Variants in NCAN observed in about 807,000 individuals in gnomAD.
NCAN encodes neurocan core protein.
In NCAN, 47 loss-of-function variants were observed where a neutral mutation model predicts 121.8. That is an observed-to-expected ratio of 0.39 (90% confidence interval 0.31 to 0.49). The LOEUF is 0.49. Ranked by LOEUF, NCAN falls within the 20% of genes least tolerant of loss-of-function variation. The pLI is 0.92. For missense variants in NCAN, 1,517 were observed against 1,773.4 expected, an observed-to-expected ratio of 0.86 and a Z score of 2.60; for synonymous variants, 633 against 702.0, an observed-to-expected ratio of 0.90 and a Z score of 1.55.
rs754647728 is a variant in NCAN, at chr19:19,233,858, A to T, written c.3089A>T (p.Tyr1030Phe). 6.2e-7 allele frequency: 1 copy of T among 1,614,128 alleles called. No individual in the cohort carries two copies. Among genetic ancestry groups the T allele is most frequent in the South Asian group, 1.1e-5 (1 of 91,082 alleles). Reference sequence around the variant, plus strand: ...ACATGTAATGCCAATGGCACCATGTATGGCTGTAGCTGTGATCAGGGCTTC... The same window carrying T: ...ACATGTAATGCCAATGGCACCATGTTTGGCTGTAGCTGTGATCAGGGCTTC... Reference protein sequence around the residue: ...GGTCNANGTMYGCSCDQGFAG... With the variant: ...GGTCNANGTMFGCSCDQGFAG... Residue 1030 changes from tyrosine (Y) to phenylalanine (F), a missense_variant, in exon 9 of 15, where the codon TAT becomes TTT. Tyr to Phe is a conservative substitution (Grantham distance 22). Coordinates refer to ENST00000252575, the MANE Select transcript of NCAN (RefSeq NM_004386.3).
At chr19:19,230,081 G>C (rs1253041251) in intron 8 of NCAN, among the ~76,000 whole-genome samples, 1 of 152,034 alleles carries the variant, frequency 6.6e-6, no homozygotes, top group African/African-American at 2.4e-5. Flanking sequence ...GTCTCACTCT[G>C]TCATCCAGCC....
Position 19,228,016 on chromosome 19 carries a change from T to G in NCAN, c.2396T>G (p.Leu799Arg). 6.2e-7 allele frequency: 1 copy of G among 1,613,452 alleles called. No homozygotes were observed. The highest frequency in any genetic ancestry group is 8.5e-7 in the Non-Finnish European group (1 of 1,179,996). ...GLDASSPSAP[L>R]GSPGVFLVPK... is the part of the protein sequence containing the mutation. The stretch of plus-strand genomic sequence containing the variant: ...GATGCAAGTTCCCCATCTGCCCCCC[T>G]GGGGAGCCCTGGAGTCTTCTTGGTA... Residue 799 changes from leucine to arginine, a missense_variant, in exon 8 of 15, where the codon CTG (leucine) becomes CGG (arginine). Leu to Arg is a moderately radical substitution (Grantham distance 102). Transcript: ENST00000252575.
intron 3 of NCAN, among the ~76,000 whole-genome samples, chr19:19,223,140 AAAAT>A (rs969719376): frequency 4.0e-5 from 6 of 151,702 alleles, no homozygotes; most frequent in South Asian, 2.1e-4. Context: ...AATAAAATAA[AAAAT>A]AAATAAATAA....
rs1318770432 is a variant in NCAN at position 19,250,198 on chromosome 19, C to T, written c.*287C>T. The T allele has an allele frequency of 1.7e-6, 1 of 595,974 alleles. No individual in the cohort carries two copies. The highest frequency in any genetic ancestry group is 1.5e-5 in the South Asian group (1 of 65,780). The allele number at this position is 595,974 out of a possible 1,614,324, so 36.9% of individuals were successfully genotyped here. The stretch of plus-strand genomic sequence containing the variant: ...AGCACAAGTAGCAAAGCTCATTGGT[C>T]TGGTCTCTTGTTTGCCAGGCTGATT... On this transcript the variant is annotated 3_prime_UTR_variant, in exon 15 of 15. Transcript: ENST00000252575.
chr19:19,245,994 G>A (rs905661479), intron 13 of NCAN, among the ~76,000 whole-genome samples: 4 of 151,866 alleles, frequency 2.6e-5, no homozygotes, highest in East Asian at 3.9e-4. Flanking sequence ...GGCCAAGGTG[G>A]GTGGGATTAT....
intron 3 of NCAN, among the ~76,000 whole-genome samples, chr19:19,220,961 A>AG (rs1237238600): frequency 1.3e-5 from 2 of 152,206 alleles, no homozygotes; most frequent in East Asian, 3.9e-4. Context: ...ATGGGGGCCC[A>AG]GTGGCTCATG....
intron 8 of NCAN, among the ~76,000 whole-genome samples, chr19:19,230,698 C>G (rs2060855008): frequency 6.9e-6 from 1 of 144,400 alleles, no homozygotes; most frequent in Non-Finnish European, 1.5e-5. Context: ...CACTTCTGGG[C>G]TGTGTTGGGG....
In NCAN at chr19:19,245,363, C is replaced by T. The variant is rs142257239; in HGVS notation, c.3543C>T (p.Gly1181=). Residue 1181 remains glycine (G), a synonymous_variant, in exon 13 of 15, where the codon GGC becomes GGT. Transcript: ENST00000252575. ...ENQPDNFFAG[G]EDCVVMVAHE... The stretch of plus-strand genomic sequence containing the variant: ...AGCCGGACAATTTCTTCGCGGGTGG[C>T]GAGGACTGTGTGGTGATGGTGGCGC... 17 of 1,614,172 alleles carry T rather than the reference C, an allele frequency of 1.1e-5. No individual in the cohort carries two copies. Among genetic ancestry groups the T allele is most frequent in the African/African-American group, 9.3e-5 (7 of 75,040 alleles).
In NCAN at chr19:19,235,084, T is replaced by G. The variant is rs923656386; in HGVS notation, c.3238T>G (p.Phe1080Val). Residue 1080 changes from phenylalanine to valine, a missense_variant, in exon 10 of 15, where the codon TTT becomes GTT. Physicochemically the swap from Phe to Val is conservative, Grantham distance 50. Transcript: ENST00000252575. ...TTGCCTCCCCAGCTATGGGGGCAGC[T>G]TTTGTGAGAAAGGTGAGTTTCTATT... is the stretch of plus-strand genomic sequence containing the variant. The part of the protein sequence containing the change: ...CLCLPSYGGS[F>V]CEKDTEGCDR... 1.2e-6 allele frequency: 2 copies of G among 1,611,246 alleles called. No individual in the cohort carries two copies. The highest frequency in any genetic ancestry group is 1.7e-6 in the Non-Finnish European group (2 of 1,178,102).
intron 8 of NCAN, among the ~76,000 whole-genome samples, chr19:19,233,478 G>A (rs1219065059): frequency 2.6e-5 from 4 of 152,146 alleles, no homozygotes; most frequent in Non-Finnish European, 4.4e-5. Context: ...CCCATGTTCT[G>A]GGAGAAGACA....
chr19:19,235,218 T>C, intron 10 of NCAN, 122 bp downstream of exon 10: 1 of 574,900 alleles, frequency 1.7e-6, no homozygotes, highest in Non-Finnish European at 3.2e-6. Context: ...TGACACAAGA[T>C]AAATTATTCT....
chr19:19,215,081 C>T (rs924219590), intron 1 of NCAN, among the ~76,000 whole-genome samples: 12 of 152,178 alleles, frequency 7.9e-5, no homozygotes, highest in African/African-American at 2.9e-4. Context: ...AGGCAGGAGG[C>T]AGGGGTGGAC....
intron 12 of NCAN, among the ~76,000 whole-genome samples, chr19:19,245,014 G>T (rs2060919182): frequency 6.6e-6 from 1 of 152,066 alleles, no homozygotes; most frequent in Non-Finnish European, 1.5e-5. Flanking sequence ...GCCTGGCCTT[G>T]TCCCACCACT....
chr19:19,218,000 TG>T (rs1309817142), intron 2 of NCAN, among the ~76,000 whole-genome samples: 1 of 149,866 alleles, frequency 6.7e-6, no homozygotes, highest in Non-Finnish European at 1.5e-5. Flanking sequence ...ATAATAAGGC[TG>T]GGTGTAGTGG....
intron 6 of NCAN, 124 bp from the exon 7 acceptor site, chr19:19,226,362 C>A: frequency 1.3e-6 from 1 of 791,006 alleles, no homozygotes; most frequent in Non-Finnish European, 2.0e-6. Flanking sequence ...TCAGAAACTA[C>A]TTAGGAGAGA....
intron 8 of NCAN, 41 bp downstream of exon 8, chr19:19,228,680 T>C (rs1168827041): frequency 6.4e-7 from 1 of 1,559,114 alleles, no homozygotes; most frequent in Non-Finnish European, 8.7e-7. Flanking sequence ...CTCTCCATGG[T>C]CAGGGCTTGG....
intron 8 of NCAN, among the ~76,000 whole-genome samples, chr19:19,231,703 G>A (rs1260921660): frequency 3.9e-5 from 6 of 152,056 alleles, no homozygotes; most frequent in East Asian, 1.9e-4. Context: ...ACATGAGGCC[G>A]GGCATGATGG....
At chr19:19,233,952 A>T in intron 9 of NCAN, 47 bp downstream of exon 9, 1 of 1,290,448 alleles carries the variant, frequency 7.7e-7, no homozygotes, top group Non-Finnish European at 1.1e-6. Context: ...GTTTGACTCC[A>T]GAGCCTTGGG....
In NCAN at chr19:19,225,246, C is replaced by A. The variant is rs781056406; in HGVS notation, c.1048C>A (p.Arg350Ser). Reference sequence around the variant, plus strand: ...GACCGGCTTCCCCTCACCCGCCGAGCGCTTCGACGCCTACTGCTTCCGAGG... The same window carrying A: ...GACCGGCTTCCCCTCACCCGCCGAGAGCTTCGACGCCTACTGCTTCCGAGG... ...NRTGFPSPAE[R>S]FDAYCFRAHH... The change falls in exon 6 of 15, where the codon CGC (arginine) becomes AGC (serine). Residue 350 changes from arginine (R) to serine (S), a missense_variant. Transcript: ENST00000252575. The surrounding 1 kb of genome is among the most constrained non-coding windows in gnomAD (Gnocchi z 4.0). 2.6e-6 allele frequency: 4 copies of A among 1,556,738 alleles called. 1 individual carries two copies. Among genetic ancestry groups the A allele is most frequent in the South Asian group, 2.3e-5 (2 of 86,746 alleles).
Sources: gnomAD v4.1 joint callset for allele counts (sites outside exome capture counted in the v4.1 genomes callset) on GRCh38, gnomAD v4.1.1 for gene constraint, Gnocchi (gnomAD v3.1) non-coding constraint, MANE v1.5 for transcripts, NCBI Gene and HGNC (gene_info 2026-07-23, HGNC 2026-07-21) for gene names.